Variants in CRADD observed in about 807,000 individuals in gnomAD.
CRADD encodes CARD and death domain containing adaptor protein, also known as death domain-containing protein CRADD.
In CRADD, 9 loss-of-function variants were observed where a neutral mutation model predicts 15.5. The ratio of observed to expected loss-of-function variants is 0.58; its 90% confidence interval spans 0.35 to 1.01. CRADD has a LOEUF of 1.01. Among genes scored for constraint, CRADD ranks in the 50% least tolerant of loss-of-function variants. CRADD has a pLI of 0.02. For synonymous variants in CRADD, 118 were observed against 107.6 expected, an observed-to-expected ratio of 1.10 and a Z score of -0.60; for missense variants, 227 against 250.3, an observed-to-expected ratio of 0.91 and a Z score of 0.63.
At chr12:93,765,341 G>A (rs1957016257) in intron 2 of CRADD, among the ~76,000 whole-genome samples, 1 of 152,116 alleles carries the variant, frequency 6.6e-6, no homozygotes, top group South Asian at 2.1e-4. Flanking sequence ...TAATGATGAT[G>A]GTGTACATTT....
At chr12:93,762,117 T>A (rs968792219) in intron 2 of CRADD, among the ~76,000 whole-genome samples, 10 of 152,240 alleles carry the variant, frequency 6.6e-5, no homozygotes, top group Non-Finnish European at 1.0e-4. Flanking sequence ...AAACCTTTTT[T>A]AAGCTAAATA....
intron 2 of CRADD, among the ~76,000 whole-genome samples, chr12:93,830,444 GTC>G (rs748770613): frequency 6.6e-6 from 1 of 151,998 alleles, no homozygotes; most frequent in Non-Finnish European, 1.5e-5. Flanking sequence ...CTTTTTTTCA[GTC>G]TCTCTCACAC....
intron 1 of CRADD, 27 bp from the exon 2 acceptor site, chr12:93,678,742 T>G: frequency 6.3e-7 from 1 of 1,595,542 alleles, no homozygotes; most frequent in Non-Finnish European, 8.5e-7. Context: ...TGTCTGTAAT[T>G]TGAGCTGTGA....
intron 2 of CRADD, among the ~76,000 whole-genome samples, chr12:93,731,503 G>A (rs551223625): frequency 1.3e-5 from 2 of 152,310 alleles, no homozygotes; most frequent in South Asian, 4.1e-4. Context: ...CTATTTCAAT[G>A]ACTGTGTTTA....
intron 2 of CRADD, among the ~76,000 whole-genome samples, chr12:93,775,087 C>A (rs960355036): frequency 1.3e-5 from 2 of 152,294 alleles, no homozygotes; most frequent in African/African-American, 4.8e-5. Flanking sequence ...AAGAAACTGA[C>A]AAAAACCCAA....
rs1956650998 is a variant in CRADD, at chr12:93,740,611, C to A, written c.298+61539C>A. On this transcript the variant is annotated intron_variant, in intron 2 of 2. Transcript: ENST00000332896. ...AAATTGGATTCTATTTCTGTGAAAG[C>A]CATATTCTTAACATCAATGCCTACC... Among the ~76,000 whole-genome samples the A allele has an allele frequency of 1.3e-5, 2 of 152,072 alleles. 1 individual carries two copies. Among genetic ancestry groups the A allele is most frequent in the Non-Finnish European group, 2.9e-5 (2 of 67,996 alleles).
intron 2 of CRADD, chr12:93,709,021 T>C (rs1487048590): frequency 6.6e-6 from 1 of 152,242 alleles, no homozygotes; most frequent in Non-Finnish European, 1.5e-5. Context: ...CCAATCTTGT[T>C]CATGAAGGCT....
chr12:93,728,062 A>T (rs920778398), intron 2 of CRADD, among the ~76,000 whole-genome samples: 14 of 152,152 alleles, frequency 9.2e-5, no homozygotes, highest in Admixed American at 1.3e-4. Flanking sequence ...GGACAGGGAT[A>T]TTGTCTTATC....
chr12:93,763,707 C>T (rs1956995230), intron 2 of CRADD, among the ~76,000 whole-genome samples: 1 of 151,978 alleles, frequency 6.6e-6, no homozygotes, highest in African/African-American at 2.4e-5. Flanking sequence ...TTGCTTTTTG[C>T]AGAGGCAACA....
At chr12:93,872,599 G>A (rs1001316913) in intron 2 of CRADD, among the ~76,000 whole-genome samples, 1 of 152,024 alleles carries the variant, frequency 6.6e-6, no homozygotes, top group African/African-American at 2.4e-5. Flanking sequence ...GAGAGATAGG[G>A]GTCTAGTTTC....
intron 2 of CRADD, among the ~76,000 whole-genome samples, chr12:93,806,702 G>A (rs1175777311): frequency 6.6e-6 from 1 of 152,002 alleles, no homozygotes. Flanking sequence ...TTAAAAATAA[G>A]GAGTAGAAGA....
intron 2 of CRADD, among the ~76,000 whole-genome samples, chr12:93,768,609 A>G (rs1957050093): frequency 6.6e-6 from 1 of 152,236 alleles, no homozygotes. Flanking sequence ...AAAGAATAAC[A>G]TAATTTGCTA....
intron 2 of CRADD, among the ~76,000 whole-genome samples, chr12:93,810,999 G>C (rs1013123731): frequency 1.3e-5 from 2 of 152,200 alleles, no homozygotes; most frequent in Non-Finnish European, 2.9e-5. Context: ...CCTGTGATAA[G>C]TTATCTTTAG....
intron 2 of CRADD, among the ~76,000 whole-genome samples, chr12:93,769,865 A>G (rs943861530): frequency 2.0e-5 from 3 of 152,074 alleles, no homozygotes; most frequent in African/African-American, 7.2e-5. Context: ...TTTCTCATTT[A>G]TTTGTACTTA....
At chr12:93,696,768 A>C (rs1262078784) in intron 2 of CRADD, among the ~76,000 whole-genome samples, 1 of 152,250 alleles carries the variant, frequency 6.6e-6, no homozygotes, top group Non-Finnish European at 1.5e-5. Context: ...ACAATAAAAA[A>C]TAACAATTCA....
At chr12:93,681,216 GAGTT>G (rs1401497603) in intron 2 of CRADD, among the ~76,000 whole-genome samples, 5 of 152,284 alleles carry the variant, frequency 3.3e-5, no homozygotes, top group African/African-American at 1.2e-4. Context: ...TTCATTCAGA[GAGTT>G]AGAAAGAATT....
chr12:93,784,488 C>G (rs559062826), intron 2 of CRADD, among the ~76,000 whole-genome samples: 1 of 152,244 alleles, frequency 6.6e-6, no homozygotes, highest in South Asian at 2.1e-4. Context: ...CTTTCCTCTT[C>G]TAACCACTGT....
intron 2 of CRADD, among the ~76,000 whole-genome samples, chr12:93,860,062 T>C (rs945070351): frequency 3.3e-5 from 5 of 151,832 alleles, no homozygotes; most frequent in Admixed American, 6.6e-5. Flanking sequence ...TCACTGCTTT[T>C]AGGGAACAAA....
rs1958204498 is a variant in CRADD at position 93,850,405 on chromosome 12, CA to C, written c.*135del. On this transcript the variant is annotated 3_prime_UTR_variant, in exon 3 of 3. Coordinates refer to ENST00000332896, the MANE Select transcript of CRADD (RefSeq NM_003805.5). The surrounding 1 kb of genome is among the most constrained non-coding windows in gnomAD (Gnocchi z 4.0). The stretch of plus-strand genomic sequence containing the variant: ...ATGATCTTCAGATGGAAGGAGAAAA[CA>C]GGGTTTCCACTAGACATTACTTGAA... 7.2e-7 allele frequency: 1 copy of C among 1,394,400 alleles called. No individual in the cohort carries two copies. Among genetic ancestry groups the C allele is most frequent in the Non-Finnish European group, 9.2e-7 (1 of 1,081,630 alleles). 86.4% of individuals were successfully genotyped at this position (1,394,400 alleles called of 1,614,324 possible).
Sources: gnomAD v4.1 joint callset for allele counts (sites outside exome capture counted in the v4.1 genomes callset) on GRCh38, gnomAD v4.1.1 for gene constraint, Gnocchi (gnomAD v3.1) non-coding constraint, MANE v1.5 for transcripts, NCBI Gene and HGNC (gene_info 2026-07-23, HGNC 2026-07-21) for gene names.